The following NNT variants were observed in gnomAD, a reference collection of about 807,000 sequenced individuals.
NNT encodes nicotinamide nucleotide transhydrogenase, also known as NAD(P) transhydrogenase, mitochondrial.
Under a neutral mutation model 104.8 loss-of-function variants are expected in NNT, and 50 were observed. That is an observed-to-expected ratio of 0.48 (90% CI 0.38 to 0.60). The LOEUF (loss-of-function observed/expected upper bound fraction) is 0.60. Among genes scored for constraint, NNT ranks in the 20% least tolerant of loss-of-function variants. NNT has a pLI of 0.00. For synonymous variants in NNT, 461 were observed against 490.4 expected, an observed-to-expected ratio of 0.94 and a Z score of 0.79; for missense variants, 1,131 against 1,330.7, an observed-to-expected ratio of 0.85 and a Z score of 2.33.
chr5:43,655,583 T>A (rs111312520), intron 14 of NNT, among the ~76,000 whole-genome samples: 1 of 152,184 alleles, frequency 6.6e-6, no homozygotes, highest in Non-Finnish European at 1.5e-5. Context: ...ATTATGTATA[T>A]GAAAATATTC....
At chr5:43,658,901 C>T (rs544056577) in intron 16 of NNT, among the ~76,000 whole-genome samples, 12 of 152,156 alleles carry the variant, frequency 7.9e-5, no homozygotes, top group East Asian at 1.9e-4. Context: ...CAAATGTAGA[C>T]GCTTCTCCAG....
chr5:43,637,970 A>G (rs1561280898), intron 7 of NNT, among the ~76,000 whole-genome samples: 2 of 152,084 alleles, frequency 1.3e-5, no homozygotes, highest in Non-Finnish European at 2.9e-5. Context: ...CTCATCTTGA[A>G]TTGTTGTTCC....
intron 19 of NNT, among the ~76,000 whole-genome samples, chr5:43,690,958 ATTTTC>A (rs1050439402): frequency 7.9e-5 from 12 of 152,064 alleles, no homozygotes; most frequent in Admixed American, 1.3e-4. Context: ...GCATTTGAAT[ATTTTC>A]TTCTCTTCTG....
At chr5:43,636,342 C>T (rs979973959) in intron 7 of NNT, among the ~76,000 whole-genome samples, 3 of 152,144 alleles carry the variant, frequency 2.0e-5, no homozygotes, top group African/African-American at 7.2e-5. Flanking sequence ...GATGGTGCCT[C>T]ATGAATCCAC....
chr5:43,691,274 T>C (rs758335790), intron 19 of NNT, among the ~76,000 whole-genome samples: 6 of 152,226 alleles, frequency 3.9e-5, no homozygotes, highest in Non-Finnish European at 8.8e-5. Flanking sequence ...CTAATTTTTG[T>C]ATTTTTTAAA....
chr5:43,655,026 A>G (rs1044372624), intron 14 of NNT, among the ~76,000 whole-genome samples: 21 of 152,118 alleles, frequency 1.4e-4, no homozygotes, highest in Non-Finnish European at 2.1e-4. Flanking sequence ...TAATTTGGGT[A>G]TTTACTGCCC....
rs201784857 is a variant in NNT, at chr5:43,619,115, C to T, written c.683C>T (p.Ala228Val). The change falls in exon 5 of 22, where the codon GCT becomes GTT. Residue 228 changes from alanine (A) to valine (V), a missense_variant. Transcript: ENST00000344920. Reference sequence around the variant, plus strand: ...ACAGCTGCTGGAAAAGTTCCTCCAGCTAAGGTAGGTACAACTTTTAATGTT... The same window carrying T: ...ACAGCTGCTGGAAAAGTTCCTCCAGTTAAGGTAGGTACAACTTTTAATGTT... ...QITAAGKVPP[A>V]KILIVGGGVA... The T allele has an allele frequency of 5.2e-6, 8 of 1,533,428 alleles. No homozygotes were observed. The East Asian group carries it at 1.9e-4, about 36-fold the overall frequency. 95.0% of individuals were successfully genotyped at this position (1,533,428 alleles called of 1,614,324 possible).
chr5:43,643,117 G>T (rs928706359), intron 7 of NNT, among the ~76,000 whole-genome samples: 1 of 151,790 alleles, frequency 6.6e-6, no homozygotes, highest in African/African-American at 2.4e-5. Flanking sequence ...TAGAGATGGG[G>T]TCTTGCTATG....
chr5:43,621,567 T>G (rs1579988016), intron 5 of NNT, among the ~76,000 whole-genome samples: 1 of 148,406 alleles, frequency 6.7e-6, no homozygotes, highest in East Asian at 2.0e-4. Context: ...TTTGACTTGG[T>G]TTTTTTTTTG....
chr5:43,619,287 C>T (rs77852911), intron 5 of NNT, among the ~76,000 whole-genome samples, 168 bp downstream of exon 5: 10,392 of 152,006 alleles, frequency 0.068, 618 homozygotes, highest in African/African-American at 0.16. Flanking sequence ...TTTAAGATTG[C>T]TAGAAAAAAA....
At chr5:43,615,376 GT>G (rs767524171) in intron 3 of NNT, among the ~76,000 whole-genome samples, 2 of 152,180 alleles carry the variant, frequency 1.3e-5, no homozygotes, top group Non-Finnish European at 2.9e-5. Context: ...CTTAGTTTTA[GT>G]TTATGATGTT....
rs1418622889 is a variant in NNT, at chr5:43,612,985, G to C, written c.229G>C (p.Ala77Pro). ...TGAGAAGCGAGTGGCATTGTCTCCT[G>C]CTGGTGTTCAGAACTTGGTCAAGCA... ...QNEKRVALSP[A>P]GVQNLVKQGF... The change falls in exon 3 of 22, where the codon GCT (alanine) becomes CCT (proline). Residue 77 changes from alanine to proline, a missense_variant. Transcript: ENST00000344920. 3 of 1,614,112 alleles carry C rather than the reference G, an allele frequency of 1.9e-6. No homozygotes were observed. Among genetic ancestry groups the C allele is most frequent in the East Asian group, 2.2e-5 (1 of 44,872 alleles).
At chr5:43,683,919 T>C (rs1450783800) in intron 19 of NNT, among the ~76,000 whole-genome samples, 1 of 152,184 alleles carries the variant, frequency 6.6e-6, no homozygotes, top group Admixed American at 6.5e-5. Flanking sequence ...GGTTAAGCGA[T>C]GGGAAAGCCA....
rs770462683 is a variant in NNT at position 43,645,420 on chromosome 5, C to G, written c.1354C>G (p.Gln452Glu). ...TATTCCTCAAGGTGCCCCAGTAAAA[C>G]AGAAGACAGTGGCTGAGCTGGAAGC... ...KNIPQGAPVK[Q>E]KTVAELEAEK... is the part of the protein sequence containing the mutation. Residue 452 changes from glutamine to glutamate, a missense_variant, in exon 10 of 22, where the codon CAG (glutamine) becomes GAG (glutamate). Physicochemically the swap from Gln to Glu is conservative, Grantham distance 29. Coordinates refer to ENST00000344920, the MANE Select transcript of NNT (RefSeq NM_182977.3). The G allele has an allele frequency of 6.4e-7, 1 of 1,571,360 alleles. No individual in the cohort carries two copies.
intron 4 of NNT, among the ~76,000 whole-genome samples, chr5:43,617,953 T>C (rs975553851): frequency 6.6e-6 from 1 of 152,234 alleles, no homozygotes; most frequent in African/African-American, 2.4e-5. Context: ...TGTAAAAATA[T>C]GATCAGGGAG....
Position 43,653,132 on chromosome 5 carries a change from G to A in NNT, c.1978G>A (p.Ala660Thr). ...LGMIGVAGGL[A>T]ATLGVLKPGP... is the part of the protein sequence containing the mutation. ...CATGATTGGGGTTGCTGGAGGACTG[G>A]CAGCCACCCTCGGAGTCCTAAAACC... The change falls in exon 14 of 22, where the codon GCA becomes ACA. Residue 660 changes from alanine (A) to threonine (T), a missense_variant. Ala to Thr is a moderately conservative substitution (Grantham distance 58). Transcript: ENST00000344920. 6.2e-7 allele frequency: 1 copy of A among 1,614,142 alleles called. No individual in the cohort carries two copies. Among genetic ancestry groups the A allele is most frequent in the Admixed American group, 1.7e-5 (1 of 60,012 alleles).
intron 21 of NNT, 27 bp downstream of exon 21, chr5:43,702,763 C>A: frequency 2.0e-6 from 3 of 1,492,842 alleles, no homozygotes; most frequent in Non-Finnish European, 2.8e-6. Flanking sequence ...GTATTTCATT[C>A]TGATAATCAA....
chr5:43,630,863 G>A (rs1750638553), intron 7 of NNT, among the ~76,000 whole-genome samples: 1 of 152,184 alleles, frequency 6.6e-6, no homozygotes, highest in Non-Finnish European at 1.5e-5. Context: ...GGTTGCTTAT[G>A]TTAGATCCTA....
intron 19 of NNT, among the ~76,000 whole-genome samples, chr5:43,699,405 G>A (rs765391399): frequency 4.8e-4 from 69 of 144,340 alleles, no homozygotes; most frequent in Non-Finnish European, 9.4e-4. Context: ...CCAGGCTGGA[G>A]TGCAGTGGCA....
Sources: gnomAD v4.1 joint callset for allele counts (sites outside exome capture counted in the v4.1 genomes callset) on GRCh38, gnomAD v4.1.1 for gene constraint, MANE v1.5 for transcripts, NCBI Gene and HGNC (gene_info 2026-07-23, HGNC 2026-07-21) for gene names.